RAB3IL1: variants seen among roughly 807,000 people sequenced by gnomAD.
The protein encoded by RAB3IL1 is RAB3A interacting protein like 1.
In RAB3IL1, 37 loss-of-function variants were observed where a neutral mutation model predicts 49.2. The ratio of observed to expected loss-of-function variants is 0.75; its 90% CI spans 0.58 to 0.99. The LOEUF (loss-of-function observed/expected upper bound fraction) is 0.99. RAB3IL1 is among the 50% of genes least tolerant of loss of function. RAB3IL1 has a pLI of 0.00. For synonymous variants in RAB3IL1, 193 were observed against 213.9 expected (o/e 0.90, Z 0.85); for missense variants, 484 against 513.0 (o/e 0.94, Z 0.55).
At chr11:61,925,517 C>A in the RAB3IL1 span, among the ~76,000 whole-genome samples, 2 of 152,090 alleles carry the variant, frequency 1.3e-5, no homozygotes, top group Non-Finnish European at 2.9e-5. Context: ...CACATGTAAT[C>A]CCAGCTACTT....
chr11:61,907,919 C>G (rs1286849336), intron 2 of RAB3IL1, 135 bp downstream of exon 2: 2 of 1,368,910 alleles, frequency 1.5e-6, no homozygotes, highest in Admixed American at 4.4e-5. Context: ...CAGTACAGGC[C>G]TGGCCAGCAG....
the RAB3IL1 span, among the ~76,000 whole-genome samples, chr11:61,930,009 C>T: frequency 7.3e-5 from 11 of 150,144 alleles, no homozygotes; most frequent in Admixed American, 3.4e-4. Flanking sequence ...TCCCCTGCCT[C>T]GGCCTCCTAA....
upstream of RAB3IL1, among the ~76,000 whole-genome samples, chr11:61,918,221 C>G (rs1013428332): frequency 6.6e-6 from 1 of 152,128 alleles, no homozygotes; most frequent in Non-Finnish European, 1.5e-5. Context: ...TCCCAGACGA[C>G]TGGTCTACCT....
At chr11:61,904,452 G>T in intron 7 of RAB3IL1, 94 bp downstream of exon 7, 1 of 1,230,092 alleles carries the variant, frequency 8.1e-7, no homozygotes, top group Non-Finnish European at 1.2e-6. Flanking sequence ...TCCTGTCGGC[G>T]CTGCTGCATC....
In RAB3IL1 at chr11:61,899,348, G is replaced by C. The variant is rs1057451592; in HGVS notation, c.1032C>G (p.Ile344Met). 3 of 1,608,992 alleles carry C rather than the reference G, an allele frequency of 1.9e-6. No homozygotes were observed. In the African/African-American group the frequency reaches 4.0e-5, roughly 21 times the overall value. The change falls in exon 9 of 10, where the codon ATC becomes ATG. Residue 344 changes from isoleucine (I) to methionine (M), a missense_variant. Coordinates refer to ENST00000394836, the MANE Select transcript of RAB3IL1 (RefSeq NM_013401.4). ...ITAVCNFFTY[I>M]RYIQQGLVRQ... Reference sequence around the variant, plus strand: ...GCACCAGGCCTTGCTGGATGTAGCGGATGTAGGTGAAGAAGTTGCACACTG... The same window carrying C: ...GCACCAGGCCTTGCTGGATGTAGCGCATGTAGGTGAAGAAGTTGCACACTG...
chr11:61,899,390 G>C lies in RAB3IL1; in HGVS notation c.1000-10C>G, dbSNP rs772287502. ...TGCACACTGCGGTGATCTGTGGGCA[G>C]AGGTGGGGACGGTGTGACCTGCCAG... On this transcript the variant is annotated splice_polypyrimidine_tract_variant and intron_variant, in intron 8 of 9. Transcript: ENST00000394836. The C allele has an allele frequency of 2.5e-6, 4 of 1,607,886 alleles. No homozygotes were observed. The African/African-American group carries it at 5.3e-5, about 21-fold the overall frequency.
Position 61,902,507 on chromosome 11 carries a change from G to A in RAB3IL1, c.934C>T (p.Arg312Cys), listed in dbSNP as rs758474840. Residue 312 changes from arginine (R) to cysteine (C), a missense_variant, in exon 8 of 10, where the codon CGC becomes TGC. By Grantham distance (180) the Arg-to-Cys change is radical (BLOSUM62 -3). Coordinates refer to ENST00000394836, the MANE Select transcript of RAB3IL1 (RefSeq NM_013401.4). ...GAGTCCCCGAGCCGGATTCGGTGGC[G>A]GCAGGTGCGGGTCAGCCCGCTCAGG... ...CALSGLTRTC[R>C]HRIRLGDSKS... 1.4e-5 allele frequency: 23 copies of A among 1,603,902 alleles called. No homozygotes were observed. The highest frequency in any genetic ancestry group is 4.5e-5 in the South Asian group (4 of 88,362).
upstream of RAB3IL1, chr11:61,920,142 G>C: frequency 7.5e-7 from 1 of 1,341,154 alleles, no homozygotes; most frequent in Non-Finnish European, 9.7e-7. Context: ...CCAGGAACAC[G>C]GGACATGTCC....
the RAB3IL1 span, among the ~76,000 whole-genome samples, chr11:61,946,021 C>T: frequency 5.9e-5 from 9 of 152,172 alleles, no homozygotes; most frequent in Admixed American, 3.3e-4. Flanking sequence ...CTTCAGGGAT[C>T]AGGGCTGCCT....
Position 61,917,486 on chromosome 11 carries a change from T to G in RAB3IL1, c.-119A>C. The G allele has an allele frequency of 8.7e-7, 1 of 1,146,714 alleles. No homozygotes were observed. The allele number at this position is 1,146,714 out of a possible 1,614,324, so 71.0% of individuals were successfully genotyped here. On this transcript the variant is annotated 5_prime_UTR_variant, in exon 1 of 10. Coordinates refer to ENST00000394836, the MANE Select transcript of RAB3IL1 (RefSeq NM_013401.4). The stretch of plus-strand genomic sequence containing the variant: ...GAGCCGCCCCACCGCCTGTCAGCCC[T>G]GCCCGCGGCCGGTCAGTAGGTCTCA...
the RAB3IL1 span, among the ~76,000 whole-genome samples, chr11:61,934,347 CACACAT>C: frequency 1.1e-3 from 110 of 97,762 alleles, 1 homozygote; most frequent in African/African-American, 2.0e-3. Flanking sequence ...CACACACACA[CACACAT>C]ATGTATATAT....
At chr11:61,917,330 C>T (rs1939740012) in intron 1 of RAB3IL1, 27 bp downstream of exon 1, 1 of 1,320,178 alleles carries the variant, frequency 7.6e-7, no homozygotes, top group Non-Finnish European at 9.7e-7. Context: ...AGACCCAGCG[C>T]GGGACCGCGA....
intron 1 of RAB3IL1, among the ~76,000 whole-genome samples, chr11:61,910,530 G>C (rs1565364971): frequency 6.6e-6 from 1 of 152,220 alleles, no homozygotes; most frequent in Admixed American, 6.5e-5. Flanking sequence ...GCACCTGAGG[G>C]ATAGGAGCTG....
chr11:61,899,485 C>G lies in RAB3IL1; in HGVS notation c.1000-105G>C, dbSNP rs1938793141. On this transcript the variant is annotated intron_variant, in intron 8 of 9. Transcript: ENST00000394836. ...AGGAGGCCCCAGGTCCCTGCAGAGC[C>G]AGGCAGTGCTCCCTGACTCAGCTGG... 1.5e-5 allele frequency: 16 copies of G among 1,081,372 alleles called. No individual in the cohort carries two copies. The South Asian group carries it at 2.2e-4, about 15-fold the overall frequency. The allele number at this position is 1,081,372 out of a possible 1,614,324, so 67.0% of individuals were successfully genotyped here. A position where few individuals can be genotyped will look rare whatever the true frequency, so the allele number is the denominator to read the frequency against.
chr11:61,909,557 GCTC>G, intron 1 of RAB3IL1, among the ~76,000 whole-genome samples: 1 of 152,230 alleles, frequency 6.6e-6, no homozygotes, highest in East Asian at 1.9e-4. Flanking sequence ...TGGCCTCAAG[GCTC>G]CTCAAGCTGG....
At position 61,899,355 on chromosome 11, in the gene RAB3IL1, G is replaced by A; in HGVS notation, c.1025C>T (p.Thr342Ile). 1.2e-6 allele frequency: 2 copies of A among 1,609,412 alleles called. No individual in the cohort carries two copies. Among genetic ancestry groups the A allele is most frequent in the South Asian group, 2.2e-5 (2 of 91,002 alleles). Residue 342 changes from threonine (T) to isoleucine (I), a missense_variant, in exon 9 of 10, where the codon ACC becomes ATC. By Grantham distance (89) the Thr-to-Ile change is moderately conservative. Transcript: ENST00000394836. ...GCCTTGCTGGATGTAGCGGATGTAGGTGAAGAAGTTGCACACTGCGGTGAT... is the reference window on the plus strand; with the variant it reads ...GCCTTGCTGGATGTAGCGGATGTAGATGAAGAAGTTGCACACTGCGGTGAT... The part of the protein sequence containing the change: ...ARITAVCNFF[T>I]YIRYIQQGLV...
chr11:61,907,514 G>A (rs367883132), intron 3 of RAB3IL1, 44 bp from the exon 4 acceptor site: 1 of 1,613,830 alleles, frequency 6.2e-7, no homozygotes, highest in Admixed American at 1.7e-5. Context: ...GGAGCCAACG[G>A]ACGCCCAGAT....
At position 61,898,887 on chromosome 11, in the gene RAB3IL1, G is replaced by A. The variant is rs1938748675; in HGVS notation, c.1066+427C>T. The A allele has an allele frequency of 4.2e-6, 2 of 471,514 alleles. No individual in the cohort carries two copies. Among genetic ancestry groups the A allele is most frequent in the South Asian group, 1.5e-5 (1 of 64,678 alleles). 29.2% of individuals were successfully genotyped at this position (471,514 alleles called of 1,614,324 possible). ...GGTTCAGGAGAAGACTCAGCAGCGAGCAAAGGTTGGTGGAGGAGCGGGGAG... is the reference window on the plus strand; with the variant it reads ...GGTTCAGGAGAAGACTCAGCAGCGAACAAAGGTTGGTGGAGGAGCGGGGAG... On this transcript the variant is annotated intron_variant, in intron 9 of 9. Coordinates refer to ENST00000394836, the MANE Select transcript of RAB3IL1 (RefSeq NM_013401.4). This position sits in a 1 kb window ranked among gnomAD's most constrained non-coding sequence, Gnocchi z 5.1.
At chr11:61,935,207 G>A in the RAB3IL1 span, among the ~76,000 whole-genome samples, 2 of 152,022 alleles carry the variant, frequency 1.3e-5, no homozygotes, top group African/African-American at 4.8e-5. Context: ...GAATCACGAG[G>A]TCTGGGGTTC....
Sources: allele counts gnomAD v4.1 joint callset (sites outside exome capture counted in the v4.1 genomes callset), GRCh38; gene constraint gnomAD v4.1.1; non-coding constraint Gnocchi (gnomAD v3.1); transcripts MANE v1.5; gene names NCBI Gene and HGNC (gene_info 2026-07-23, HGNC 2026-07-21).